Variants in ACTR3C observed in about 807,000 individuals in gnomAD.
The protein encoded by ACTR3C is actin related protein 3C, also known as actin-related protein 3C.
ACTR3C carries 18 observed loss-of-function variants against 26.3 expected under a neutral mutation model. The ratio of observed to expected loss-of-function variants is 0.68; its 90% CI spans 0.47 to 1.01. The LOEUF is 1.01. Ranked by LOEUF, ACTR3C falls within the 50% of genes least tolerant of loss-of-function variation. The pLI is 0.00. For missense variants in ACTR3C, 184 were observed against 250.7 expected, an observed-to-expected ratio of 0.73 and a Z score of 1.80; for synonymous variants, 55 against 94.5, an observed-to-expected ratio of 0.58 and a Z score of 2.42.
the ACTR3C span, among the ~76,000 whole-genome samples, chr7:150,236,296 A>G: frequency 6.6e-6 from 1 of 152,196 alleles, no homozygotes; most frequent in African/African-American, 2.4e-5. Context: ...TCCACAATTA[A>G]GTTAGTATTA....
At chr7:150,095,615 G>GA in the ACTR3C span, among the ~76,000 whole-genome samples, 1 of 146,366 alleles carries the variant, frequency 6.8e-6, no homozygotes, top group Admixed American at 6.8e-5. Context: ...ATGAAACAAA[G>GA]TCCTATGCTT....
chr7:150,006,348 C>T, the ACTR3C span, among the ~76,000 whole-genome samples: 4 of 151,060 alleles, frequency 2.6e-5, no homozygotes, highest in Admixed American at 2.6e-4. Context: ...AGGCACCCGC[C>T]ACCACGCCTG....
chr7:149,922,635 A>G, the ACTR3C span, among the ~76,000 whole-genome samples: 1 of 151,868 alleles, frequency 6.6e-6, no homozygotes, highest in African/African-American at 2.4e-5. Context: ...AAAATGTGAT[A>G]TGAATTTTAG....
the ACTR3C span, among the ~76,000 whole-genome samples, chr7:149,959,222 GCC>G: frequency 6.5e-5 from 2 of 30,600 alleles, no homozygotes; most frequent in African/African-American, 1.0e-4. Context: ...TAATTAGCTC[GCC>G]CCCCACCCCC....
the ACTR3C span, among the ~76,000 whole-genome samples, chr7:149,911,710 A>G: frequency 6.6e-6 from 1 of 152,186 alleles, no homozygotes; most frequent in South Asian, 2.1e-4. Context: ...AAAAATTAAC[A>G]TTTATTAAAA....
At chr7:150,092,624 G>A in the ACTR3C span, among the ~76,000 whole-genome samples, 1 of 150,384 alleles carries the variant, frequency 6.6e-6, no homozygotes, top group African/African-American at 2.5e-5. Context: ...GTCATTAATA[G>A]TGGTGGAAAC....
At chr7:150,209,764 A>ACACACACACAC in the ACTR3C span, among the ~76,000 whole-genome samples, 1 of 88,632 alleles carries the variant, frequency 1.1e-5, no homozygotes, top group East Asian at 3.3e-4. Flanking sequence ...CACACACACA[A>ACACACACACAC]AATTAGCTGG....
At chr7:149,887,892 C>T in the ACTR3C span, among the ~76,000 whole-genome samples, 4 of 152,204 alleles carry the variant, frequency 2.6e-5, no homozygotes, top group African/African-American at 7.2e-5. Context: ...TCTGCTTTTG[C>T]TTCTTCATTT....
At chr7:150,043,954 G>T in the ACTR3C span, among the ~76,000 whole-genome samples, 1 of 152,178 alleles carries the variant, frequency 6.6e-6, no homozygotes, top group Non-Finnish European at 1.5e-5. Context: ...GGTTGTCGAA[G>T]ACATAGCGGA....
At chr7:150,170,483 C>T in the ACTR3C span, among the ~76,000 whole-genome samples, 12 of 150,270 alleles carry the variant, frequency 8.0e-5, 1 homozygote, top group African/African-American at 2.3e-4. Context: ...AGGAAGCTGA[C>T]CAGAGATTTT....
chr7:150,081,079 C>G, the ACTR3C span, among the ~76,000 whole-genome samples: 2 of 152,030 alleles, frequency 1.3e-5, no homozygotes, highest in African/African-American at 4.8e-5. Context: ...TAAGACAACT[C>G]TGGAGAAAGA....
chr7:150,061,239 ACT>A, the ACTR3C span, among the ~76,000 whole-genome samples: 1 of 71,772 alleles, frequency 1.4e-5, no homozygotes, highest in African/African-American at 4.8e-5. Context: ...TGGCTGACAG[ACT>A]CTGAGGAAAT....
the ACTR3C span, among the ~76,000 whole-genome samples, chr7:150,006,706 C>T: frequency 5.3e-5 from 8 of 151,944 alleles, no homozygotes; most frequent in African/African-American, 1.7e-4. Context: ...GCAGCAAGTC[C>T]AGCCTCTGCA....
At chr7:150,236,134 C>A in the ACTR3C span, among the ~76,000 whole-genome samples, 2 of 152,206 alleles carry the variant, frequency 1.3e-5, no homozygotes, top group African/African-American at 4.8e-5. Flanking sequence ...TTTAATGCAA[C>A]TAAAATGTTG....
chr7:150,079,840 C>T, the ACTR3C span, among the ~76,000 whole-genome samples: 12 of 152,130 alleles, frequency 7.9e-5, no homozygotes, highest in African/African-American at 1.2e-4. Context: ...GCCACTTTGC[C>T]CCAGACCTTT....
chr7:149,886,929 T>C, the ACTR3C span, among the ~76,000 whole-genome samples: 1 of 150,160 alleles, frequency 6.7e-6, no homozygotes, highest in Non-Finnish European at 1.5e-5. Flanking sequence ...TCCTGCATTC[T>C]GGCCTGGGCG....
the ACTR3C span, among the ~76,000 whole-genome samples, chr7:149,970,040 TA>T: frequency 6.6e-6 from 1 of 152,100 alleles, no homozygotes. Context: ...AAAATAGGGA[TA>T]TTTTGACTCA....
At chr7:150,284,399 C>T (rs1184424294) in intron 6 of ACTR3C, among the ~76,000 whole-genome samples, 7 of 151,934 alleles carry the variant, frequency 4.6e-5, no homozygotes, top group Admixed American at 2.0e-4. Flanking sequence ...CAAAAAAATT[C>T]GCTGGGCGTG....
chr7:150,307,170 A>G (rs1795862669), intron 1 of ACTR3C, among the ~76,000 whole-genome samples: 1 of 152,258 alleles, frequency 6.6e-6, no homozygotes, highest in South Asian at 2.1e-4. Flanking sequence ...GGCACAGCCT[A>G]GTTTTATACA....
Sources: allele counts gnomAD v4.1 joint callset (sites outside exome capture counted in the v4.1 genomes callset), GRCh38; gene constraint gnomAD v4.1.1; transcripts MANE v1.5; gene names NCBI Gene and HGNC (gene_info 2026-07-23, HGNC 2026-07-21).